Variants in RUNX2 observed in about 807,000 individuals in gnomAD.
RUNX2 encodes the protein RUNX family transcription factor 2.
RUNX2 carries 10 observed loss-of-function variants against 51.7 expected under a neutral mutation model. The observed-to-expected ratio is 0.19, with a 90% confidence interval of 0.12 to 0.33. RUNX2 has a LOEUF of 0.33. Among genes scored for constraint, RUNX2 ranks in the 10% least tolerant of loss-of-function variants. RUNX2 has a pLI of 1.00. For synonymous variants in RUNX2, 276 were observed against 273.6 expected, an observed-to-expected ratio of 1.01 and a Z score of -0.09; for missense variants, 562 against 691.3, an observed-to-expected ratio of 0.81 and a Z score of 2.10.
At position 45,547,007 on chromosome 6, in the gene RUNX2, C is replaced by A; in HGVS notation, c.1268C>A (p.Pro423Gln). Reference sequence around the variant, plus strand: ...ACCACTCACTACCACACCTACCTGCCACCACCCTACCCCGGCTCTTCCCAA... The same window carrying A: ...ACCACTCACTACCACACCTACCTGCAACCACCCTACCCCGGCTCTTCCCAA... ...SATTHYHTYLPPPYPGSSQSQ... is the reference protein window; with the variant it reads ...SATTHYHTYLQPPYPGSSQSQ... Residue 423 changes from proline to glutamine, a missense_variant, in exon 9 of 9, where the codon CCA becomes CAA. Coordinates refer to ENST00000647337, the MANE Select transcript of RUNX2 (RefSeq NM_001024630.4). 6.2e-7 allele frequency: 1 copy of A among 1,614,084 alleles called. No homozygotes were observed. The highest frequency in any genetic ancestry group is 8.5e-7 in the Non-Finnish European group (1 of 1,180,044).
intron 5 of RUNX2, among the ~76,000 whole-genome samples, chr6:45,472,152 A>AT (rs1799821050): frequency 6.6e-6 from 1 of 152,014 alleles, no homozygotes; most frequent in Admixed American, 6.5e-5. Flanking sequence ...TTTTTAGTTT[A>AT]TTTTTTATCT....
In RUNX2 at chr6:45,485,691, G is replaced by A. The variant is rs1479037343; in HGVS notation, c.686-6250G>A. Among the ~76,000 whole-genome samples, 520 of 82,110 alleles carry A rather than the reference G, an allele frequency of 6.3e-3. 3 individuals carry two copies. The highest frequency in any genetic ancestry group is 0.02 in the Middle Eastern group (3 of 150). The allele number at this position is 82,110 out of a possible 152,430, so 53.9% of individuals were successfully genotyped here. On this transcript the variant is annotated intron_variant, in intron 5 of 8. Coordinates refer to ENST00000647337, the MANE Select transcript of RUNX2 (RefSeq NM_001024630.4). ...GATATGTATGTGTGTGTGTGTGTGTGTGTGTGTATATATATATATATATAT... is the reference window on the plus strand; with the variant it reads ...GATATGTATGTGTGTGTGTGTGTGTATGTGTGTATATATATATATATATAT...
At chr6:45,543,855 CTATTAT>C (rs1330788592) in intron 7 of RUNX2, among the ~76,000 whole-genome samples, 1 of 151,588 alleles carries the variant, frequency 6.6e-6, no homozygotes, top group African/African-American at 2.4e-5. Flanking sequence ...GCTTCTGTAA[CTATTAT>C]TATTTAAAAA....
intron 2 of RUNX2, among the ~76,000 whole-genome samples, chr6:45,381,514 A>G (rs1221435363): frequency 6.6e-6 from 1 of 152,018 alleles, no homozygotes; most frequent in African/African-American, 2.4e-5. Context: ...TGTAGCATCA[A>G]CCTTCTGGGC....
At chr6:45,444,098 C>T (rs1798921883) in intron 5 of RUNX2, among the ~76,000 whole-genome samples, 1 of 152,216 alleles carries the variant, frequency 6.6e-6, no homozygotes, top group Admixed American at 6.5e-5. Flanking sequence ...GATCTGCCCG[C>T]CTCGGCCTCC....
At chr6:45,506,543 T>G (rs1010983680) in intron 6 of RUNX2, among the ~76,000 whole-genome samples, 1 of 152,210 alleles carries the variant, frequency 6.6e-6, no homozygotes, top group African/African-American at 2.4e-5. Flanking sequence ...TTGTTGAATT[T>G]CTCTAATATA....
intron 2 of RUNX2, among the ~76,000 whole-genome samples, chr6:45,363,487 G>GTAAGTTTGAAAATTCCCAAAT (rs1794615438): frequency 2.0e-5 from 3 of 152,078 alleles, no homozygotes; most frequent in Non-Finnish European, 4.4e-5. Flanking sequence ...TCATTACACT[G>GTAAGTTTGAAAATTCCCAAAT]TAAGTTTGAA....
At chr6:45,511,912 C>T (rs1300768080) in intron 6 of RUNX2, among the ~76,000 whole-genome samples, 1 of 152,122 alleles carries the variant, frequency 6.6e-6, no homozygotes, top group Non-Finnish European at 1.5e-5. Context: ...AAATATAATT[C>T]CACTTTGTAA....
intron 7 of RUNX2, among the ~76,000 whole-genome samples, chr6:45,518,165 C>G (rs928754492): frequency 1.3e-5 from 2 of 152,182 alleles, no homozygotes; most frequent in African/African-American, 2.4e-5. Flanking sequence ...ACATACTCTG[C>G]CACAGCAGCC....
At chr6:45,408,532 G>T (rs1226568924) in intron 2 of RUNX2, among the ~76,000 whole-genome samples, 1 of 152,022 alleles carries the variant, frequency 6.6e-6, no homozygotes, top group Non-Finnish European at 1.5e-5. Flanking sequence ...AAAAGTCACT[G>T]AATCAAATGT....
chr6:45,375,269 A>T (rs1394964927), intron 2 of RUNX2, among the ~76,000 whole-genome samples: 2 of 152,192 alleles, frequency 1.3e-5, no homozygotes, highest in Non-Finnish European at 2.9e-5. Flanking sequence ...TATATATTAC[A>T]AGTCCCAACA....
intron 2 of RUNX2, among the ~76,000 whole-genome samples, chr6:45,411,932 C>T (rs1457053088): frequency 6.6e-6 from 1 of 152,130 alleles, no homozygotes; most frequent in Non-Finnish European, 1.5e-5. Context: ...ATTCAGTGTG[C>T]TTTACTGTAG....
At chr6:45,546,273 A>C (rs1802397506) in intron 8 of RUNX2, among the ~76,000 whole-genome samples, 1 of 152,140 alleles carries the variant, frequency 6.6e-6, no homozygotes, top group Non-Finnish European at 1.5e-5. Context: ...GAGACCTCTG[A>C]CAAGATTTTA....
At chr6:45,391,926 T>C (rs1039071500) in intron 2 of RUNX2, among the ~76,000 whole-genome samples, 149 of 152,206 alleles carry the variant, frequency 9.8e-4, no homozygotes, top group African/African-American at 3.3e-3. Context: ...GTTTTGCTTT[T>C]TAAATATTCA....
intron 6 of RUNX2, among the ~76,000 whole-genome samples, chr6:45,495,086 T>C (rs1010213361): frequency 9.9e-5 from 15 of 152,204 alleles, no homozygotes; most frequent in African/African-American, 3.1e-4. Flanking sequence ...CAGGAAAAAG[T>C]TCTGGAACCT....
intron 2 of RUNX2, among the ~76,000 whole-genome samples, chr6:45,397,817 G>A (rs1387883041): frequency 6.6e-6 from 1 of 152,126 alleles, no homozygotes; most frequent in Non-Finnish European, 1.5e-5. Flanking sequence ...ACTTAATATA[G>A]TTGGTGCAAT....
intron 2 of RUNX2, among the ~76,000 whole-genome samples, chr6:45,330,515 G>C (rs1053963945): frequency 6.6e-6 from 1 of 151,816 alleles, no homozygotes; most frequent in African/African-American, 2.4e-5. Flanking sequence ...TTAAAAACCA[G>C]ATCAGGAACA....
chr6:45,540,719 G>A (rs933727663), intron 7 of RUNX2, among the ~76,000 whole-genome samples: 1 of 152,180 alleles, frequency 6.6e-6, no homozygotes, highest in African/African-American at 2.4e-5. Flanking sequence ...GGACGAGTGT[G>A]CTTACCTAAC....
At chr6:45,502,180 T>G (rs1800816548) in intron 6 of RUNX2, among the ~76,000 whole-genome samples, 1 of 152,186 alleles carries the variant, frequency 6.6e-6, no homozygotes, top group Admixed American at 6.5e-5. Context: ...TGGGATGTCA[T>G]TTATCTTGGA....
Sources: allele counts gnomAD v4.1 joint callset (sites outside exome capture counted in the v4.1 genomes callset), GRCh38; gene constraint gnomAD v4.1.1; transcripts MANE v1.5; gene names NCBI Gene and HGNC (gene_info 2026-07-23, HGNC 2026-07-21).